Variants in USP34 observed in about 807,000 individuals in gnomAD.
USP34 encodes ubiquitin carboxyl-terminal hydrolase 34.
Under a neutral mutation model 460.3 loss-of-function variants are expected in USP34, and 70 were observed. The observed-to-expected ratio is 0.15, with a 90% CI of 0.13 to 0.19. The LOEUF (loss-of-function observed/expected upper bound fraction) is 0.19, where lower values mean the gene tolerates loss of function less well. Among genes scored for constraint, USP34 ranks in the 10% least tolerant of loss-of-function variants. The pLI is 1.00. For synonymous variants in USP34, 1,647 were observed against 1,405.3 expected (o/e 1.17, Z -3.85); for missense variants, 3,985 against 4,236.2 (o/e 0.94, Z 1.65).
At chr2:61,302,965 A>T (rs980134440) in intron 27 of USP34, among the ~76,000 whole-genome samples, 2 of 152,236 alleles carry the variant, frequency 1.3e-5, no homozygotes, top group African/African-American at 2.4e-5. Flanking sequence ...TTTACCTAAC[A>T]TCTTTACAAT....
Position 61,203,083 on chromosome 2 carries a change from A to T in USP34, c.9508+57T>A. 3 of 1,384,562 alleles carry T rather than the reference A, an allele frequency of 2.2e-6. No individual in the cohort carries two copies. The South Asian group carries it at 6.0e-5, about 28-fold the overall frequency. The allele number at this position is 1,384,562 out of a possible 1,614,324, so 85.8% of individuals were successfully genotyped here. Reference sequence around the variant, plus strand: ...TCTCATAATTTTTCTCCCCTTCCTGAATGACTAGGGGCTTAAAATAATTCA... The same window carrying T: ...TCTCATAATTTTTCTCCCCTTCCTGTATGACTAGGGGCTTAAAATAATTCA... On this transcript the variant is annotated intron_variant, in intron 75 of 79. Transcript: ENST00000398571.
chr2:61,214,839 T>C, intron 67 of USP34, 145 bp from the exon 68 acceptor site: 1 of 962,834 alleles, frequency 1.0e-6, no homozygotes, highest in Non-Finnish European at 1.5e-6. Flanking sequence ...ATCTTTCTGC[T>C]TTCCCCTTGG....
chr2:61,301,365 T>G lies in USP34; in HGVS notation c.3907A>C (p.Lys1303Gln), dbSNP rs1461834297. Reference sequence around the variant, plus strand: ...TTTTATATATGTACCTGCATATCCTTAAAACCAAGCTCATGAAGTGCTTTT... The same window carrying G: ...TTTTATATATGTACCTGCATATCCTGAAAACCAAGCTCATGAAGTGCTTTT... ...DEKALHELGF[K>Q]DMQMVFVSLG... Residue 1303 changes from lysine (K) to glutamine (Q), a missense_variant, in exon 28 of 80, where the codon AAG becomes CAG. By Grantham distance (53) the Lys-to-Gln change is moderately conservative. This residue lies in a region of USP34 where 1,114 missense variants were observed against 1,122.5 expected (regional missense o/e 0.99). Coordinates refer to ENST00000398571, the MANE Select transcript of USP34 (RefSeq NM_014709.4). The G allele has an allele frequency of 6.2e-7, 1 of 1,613,764 alleles. No individual in the cohort carries two copies. The highest frequency in any genetic ancestry group is 8.5e-7 in the Non-Finnish European group (1 of 1,179,966).
At chr2:61,271,833 T>C (rs4599092) in intron 41 of USP34, among the ~76,000 whole-genome samples, 1 of 151,970 alleles carries the variant, frequency 6.6e-6, no homozygotes, top group East Asian at 1.9e-4. Context: ...CTGCATGAAA[T>C]TCAGTTCTAG....
At chr2:61,371,627 GA>G (rs1238391310) in intron 8 of USP34, among the ~76,000 whole-genome samples, 1 of 151,954 alleles carries the variant, frequency 6.6e-6, no homozygotes. Context: ...TAATAGTGAA[GA>G]AAAAAATTTT....
intron 51 of USP34, among the ~76,000 whole-genome samples, chr2:61,243,639 C>T (rs1376459474): frequency 6.7e-6 from 1 of 150,092 alleles, no homozygotes; most frequent in East Asian, 2.0e-4. Context: ...TTTGGGAGCC[C>T]AAGGTGGGCG....
At chr2:61,363,846 C>T (rs537436326) in intron 10 of USP34, among the ~76,000 whole-genome samples, 1 of 67,680 alleles carries the variant, frequency 1.5e-5, no homozygotes, top group African/African-American at 4.6e-5. Flanking sequence ...TATATACATA[C>T]AGTAGAGTAT....
chr2:61,341,659 G>T (rs1691605125), intron 16 of USP34, among the ~76,000 whole-genome samples: 1 of 151,352 alleles, frequency 6.6e-6, no homozygotes. Context: ...GCCCTCACCA[G>T]AAGCAGATGC....
intron 62 of USP34, among the ~76,000 whole-genome samples, chr2:61,224,137 T>C (rs554369981): frequency 2.6e-5 from 4 of 152,364 alleles, no homozygotes; most frequent in Admixed American, 2.0e-4. Flanking sequence ...AAAAGATTTT[T>C]AAAATTAACT....
At chr2:61,261,285 T>A (rs1367285173) in intron 43 of USP34, among the ~76,000 whole-genome samples, 2 of 152,066 alleles carry the variant, frequency 1.3e-5, no homozygotes, top group Non-Finnish European at 2.9e-5. Flanking sequence ...AAAGAATAAA[T>A]AAAATGTGGT....
chr2:61,389,344 AT>A (rs1336086290), intron 5 of USP34, among the ~76,000 whole-genome samples: 2 of 152,144 alleles, frequency 1.3e-5, no homozygotes, highest in African/African-American at 2.4e-5. Context: ...TATGAATGTT[AT>A]TTTTCAAATT....
intron 10 of USP34, among the ~76,000 whole-genome samples, chr2:61,366,319 C>T (rs1302872719): frequency 6.6e-6 from 1 of 152,076 alleles, no homozygotes; most frequent in Non-Finnish European, 1.5e-5. Flanking sequence ...ATGATCTTCC[C>T]AACATAACTG....
chr2:61,376,395 G>T (rs1481886423), intron 8 of USP34, among the ~76,000 whole-genome samples: 1 of 152,100 alleles, frequency 6.6e-6, no homozygotes, highest in Non-Finnish European at 1.5e-5. Flanking sequence ...ATGTCTTTGG[G>T]ATGTATATTC....
intron 27 of USP34, among the ~76,000 whole-genome samples, chr2:61,305,429 C>T (rs189862049): frequency 2.0e-5 from 3 of 151,746 alleles, no homozygotes; most frequent in South Asian, 2.1e-4. Flanking sequence ...CAGCAAGCCC[C>T]GAAAAAAGAT....
At chr2:61,449,029 C>T (rs1695195152) in intron 1 of USP34, among the ~76,000 whole-genome samples, 1 of 152,044 alleles carries the variant, frequency 6.6e-6, no homozygotes, top group Non-Finnish European at 1.5e-5. Context: ...TGGCGCATGC[C>T]TGTAATCATC....
Position 61,331,343 on chromosome 2 carries a change from T to G in USP34, c.2863A>C (p.Lys955Gln). ...MWAEKELNMM[K>Q]LFFDNLVYYI... is the part of the protein sequence containing the mutation. ...TATACCAAATTATCAAAGAAAAGCT[T>G]CATCATGTTCAGTTCTTTTTCTGCC... Residue 955 changes from lysine to glutamine, a missense_variant, in exon 20 of 80, where the codon AAG (lysine) becomes CAG (glutamine). Lys to Gln is a moderately conservative substitution (Grantham distance 53, BLOSUM62 1). This residue lies in a region of USP34 where 1,114 missense variants were observed against 1,122.5 expected (regional missense o/e 0.99). Coordinates refer to ENST00000398571, the MANE Select transcript of USP34 (RefSeq NM_014709.4). The G allele has an allele frequency of 6.2e-7, 1 of 1,611,710 alleles. No homozygotes were observed. The highest frequency in any genetic ancestry group is 8.5e-7 in the Non-Finnish European group (1 of 1,178,906).
intron 10 of USP34, among the ~76,000 whole-genome samples, chr2:61,365,254 A>AACACACAC (rs1692395665): frequency 1.3e-5 from 1 of 76,324 alleles, no homozygotes; most frequent in African/African-American, 6.9e-5. Flanking sequence ...TCCATTTCAA[A>AACACACAC]ATACACACAC....
intron 16 of USP34, among the ~76,000 whole-genome samples, chr2:61,341,151 T>C (rs1413509160): frequency 2.0e-5 from 3 of 152,224 alleles, no homozygotes; most frequent in African/African-American, 4.8e-5. Flanking sequence ...TATTCATCCA[T>C]GATGTTGGAT....
Position 61,256,889 on chromosome 2 carries a change from T to A in USP34, c.6110A>T (p.Asp2037Val), listed in dbSNP as rs1380953192. The part of the protein sequence containing the change: ...EFYTVRCQVA[D>V]MKNIYESLDE... The stretch of plus-strand genomic sequence containing the variant: ...ATTACTCACATAAATGTTCTTCATA[T>A]CAGCCACTTGGCACCTCACAGTATA... Residue 2037 changes from aspartate to valine, a missense_variant, in exon 47 of 80, where the codon GAT becomes GTT. Transcript: ENST00000398571. The A allele has an allele frequency of 6.4e-7, 1 of 1,568,224 alleles. No individual in the cohort carries two copies. The highest frequency in any genetic ancestry group is 8.6e-7 in the Non-Finnish European group (1 of 1,160,452).
Sources: allele counts gnomAD v4.1 joint callset (sites outside exome capture counted in the v4.1 genomes callset), GRCh38; gene constraint gnomAD v4.1.1; regional missense constraint gnomAD v4.1.1; transcripts MANE v1.5; gene names NCBI Gene and HGNC (gene_info 2026-07-23, HGNC 2026-07-21).